EPHA6: variants seen among roughly 807,000 people sequenced by gnomAD.
EPHA6 encodes ephrin type-A receptor 6.
A neutral mutation model predicts 112.0 loss-of-function variants in EPHA6; 50 were observed. The observed-to-expected ratio is 0.45, with a 90% CI of 0.36 to 0.56. The LOEUF is 0.56. Ranked by LOEUF, EPHA6 falls within the 20% of genes least tolerant of loss-of-function variation. EPHA6 has a pLI of 0.00. For synonymous variants in EPHA6, 529 were observed against 490.7 expected, an observed-to-expected ratio of 1.08 and a Z score of -1.03; for missense variants, 1,280 against 1,417.4, an observed-to-expected ratio of 0.90 and a Z score of 1.56.
intron 3 of EPHA6, among the ~76,000 whole-genome samples, chr3:97,187,276 A>G (rs1308436985): frequency 6.6e-6 from 1 of 152,036 alleles, no homozygotes; most frequent in African/African-American, 2.4e-5. Flanking sequence ...TGATACTTCT[A>G]CTTAGGAATG....
At chr3:97,031,789 A>G (rs1185776432) in intron 3 of EPHA6, among the ~76,000 whole-genome samples, 3 of 152,168 alleles carry the variant, frequency 2.0e-5, no homozygotes, top group Non-Finnish European at 4.4e-5. Context: ...TTAAAAAGTC[A>G]GGAAACAACA....
At position 97,444,730 on chromosome 3, in the gene EPHA6, A is replaced by G. The variant is rs145314778; in HGVS notation, c.1732-3838A>G. Among the ~76,000 whole-genome samples the G allele has an allele frequency of 1.4e-4, 22 of 152,270 alleles. 1 individual carries two copies. In the East Asian group the frequency reaches 4.3e-3, roughly 29 times the overall value. ...TCTGACTGTAGAAAGATATAGCCAT[A>G]GGGTCTGAACACCTGAGCCTATTTG... On this transcript the variant is annotated intron_variant, in intron 6 of 17. Transcript: ENST00000389672.
At chr3:97,150,149 C>G (rs2076137072) in intron 3 of EPHA6, among the ~76,000 whole-genome samples, 1 of 151,598 alleles carries the variant, frequency 6.6e-6, no homozygotes, top group African/African-American at 2.4e-5. Flanking sequence ...AAATCCTGTT[C>G]TAGTTAAAAA....
At position 97,271,605 on chromosome 3, in the gene EPHA6, G is replaced by A. The variant is rs139012687; in HGVS notation, c.1606+27318G>A. ...ACCCCTGACCTCAGGTGATCTGCCCGCCTTGGCCTCCCAAAGTGCTGGGGT... is the reference window on the plus strand; with the variant it reads ...ACCCCTGACCTCAGGTGATCTGCCCACCTTGGCCTCCCAAAGTGCTGGGGT... On this transcript the variant is annotated intron_variant, in intron 5 of 17. Transcript: ENST00000389672. Among the ~76,000 whole-genome samples the A allele has an allele frequency of 6.1e-3, 935 of 152,254 alleles. 12 individuals are homozygous for A. Among genetic ancestry groups the A allele is most frequent in the African/African-American group, 0.021 (875 of 41,542 alleles).
chr3:97,228,953 G>A (rs547783025), intron 4 of EPHA6, among the ~76,000 whole-genome samples: 1 of 152,038 alleles, frequency 6.6e-6, no homozygotes, highest in South Asian at 2.1e-4. Context: ...GTTTTGATTT[G>A]CATTTCCTTG....
In EPHA6 at chr3:96,814,652, G is replaced by A. The variant is rs760685348; in HGVS notation, c.29G>A (p.Arg10Lys). 22 of 1,475,196 alleles carry A rather than the reference G, an allele frequency of 1.5e-5. No individual in the cohort carries two copies. The highest frequency in any genetic ancestry group is 5.1e-4 in the Middle Eastern group (2 of 3,886). 91.4% of individuals were successfully genotyped at this position (1,475,196 alleles called of 1,614,324 possible). Reference protein sequence around the residue: MQFPSPPAARSSPAPQAASS... With the variant: MQFPSPPAAKSSPAPQAASS... ...CAATTCCCCTCGCCTCCAGCCGCGAGGAGCTCCCCGGCGCCGCAGGCAGCG... is the reference window on the plus strand; with the variant it reads ...CAATTCCCCTCGCCTCCAGCCGCGAAGAGCTCCCCGGCGCCGCAGGCAGCG... The change falls in exon 1 of 18, where the codon AGG becomes AAG. Residue 10 changes from arginine (R) to lysine (K), a missense_variant. Transcript: ENST00000389672.
At chr3:97,468,233 A>C (rs2091119415) in intron 7 of EPHA6, among the ~76,000 whole-genome samples, 1 of 151,624 alleles carries the variant, frequency 6.6e-6, no homozygotes, top group Non-Finnish European at 1.5e-5. Context: ...AGAAATCAGT[A>C]ATCAGCTTAC....
chr3:97,617,595 A>G (rs893368976), intron 13 of EPHA6, among the ~76,000 whole-genome samples: 11 of 152,308 alleles, frequency 7.2e-5, no homozygotes, highest in Non-Finnish European at 2.9e-5. Context: ...AAAATTTACC[A>G]AGCAAATGGA....
intron 3 of EPHA6, among the ~76,000 whole-genome samples, chr3:97,191,060 T>C (rs1248654588): frequency 6.6e-6 from 1 of 152,098 alleles, no homozygotes; most frequent in African/African-American, 2.4e-5. Flanking sequence ...CTCTGGTAAC[T>C]GCCATTGTAC....
intron 3 of EPHA6, among the ~76,000 whole-genome samples, chr3:97,159,637 G>A (rs1279383796): frequency 6.6e-6 from 1 of 152,088 alleles, no homozygotes; most frequent in Non-Finnish European, 1.5e-5. Context: ...TACTGGCACT[G>A]TAACTGGGTC....
chr3:96,961,097 A>T (rs901372423), intron 2 of EPHA6, among the ~76,000 whole-genome samples: 2 of 152,200 alleles, frequency 1.3e-5, no homozygotes, highest in Non-Finnish European at 2.9e-5. Flanking sequence ...TTAAGAAGAG[A>T]GGGAAGGAAG....
intron 13 of EPHA6, 110 bp from the exon 14 acceptor site, chr3:97,637,763 T>A: frequency 1.3e-6 from 1 of 792,440 alleles, no homozygotes; most frequent in Non-Finnish European, 2.1e-6. Flanking sequence ...CCAAAGTTGA[T>A]GCTTATCTTC....
intron 5 of EPHA6, among the ~76,000 whole-genome samples, chr3:97,278,042 T>C (rs2080156822): frequency 6.6e-6 from 1 of 152,240 alleles, no homozygotes; most frequent in Non-Finnish European, 1.5e-5. Context: ...ATGCAGCACA[T>C]GACTGTACTA....
rs2035995855 is a variant in EPHA6, at chr3:97,755,112, A to T, written c.*6411A>T. 6.6e-6 allele frequency among the ~76,000 whole-genome samples: 1 copy of T among 152,226 alleles called. No individual in the cohort carries two copies. The highest frequency in any genetic ancestry group is 1.5e-5 in the Non-Finnish European group (1 of 68,026). ...ATTAAGAGAACTTTTGATTTGTTTC[A>T]TTATAGAGAAAGTCTCAAAGAATTC... On this transcript the variant is annotated 3_prime_UTR_variant, in exon 18 of 18. Transcript: ENST00000389672.
chr3:97,216,398 A>T (rs1045047735), intron 3 of EPHA6, among the ~76,000 whole-genome samples: 2 of 152,140 alleles, frequency 1.3e-5, no homozygotes, highest in Non-Finnish European at 2.9e-5. Flanking sequence ...ACCAGGCCCC[A>T]CCTCCAACAT....
intron 3 of EPHA6, among the ~76,000 whole-genome samples, chr3:97,193,971 GCATC>G (rs2108484565): frequency 6.6e-6 from 1 of 152,064 alleles, no homozygotes; most frequent in East Asian, 1.9e-4. Flanking sequence ...GACCATCCTT[GCATC>G]CTGGGATAAA....
At chr3:97,236,268 T>A (rs2078676807) in intron 4 of EPHA6, among the ~76,000 whole-genome samples, 1 of 151,428 alleles carries the variant, frequency 6.6e-6, no homozygotes, top group Admixed American at 6.6e-5. Flanking sequence ...AGTAGGCAAA[T>A]AAGAGTTATT....
intron 5 of EPHA6, among the ~76,000 whole-genome samples, chr3:97,336,049 A>G (rs75167197): frequency 0.022 from 3,290 of 152,242 alleles, 90 homozygotes; most frequent in African/African-American, 0.068. Flanking sequence ...AAGTTTTACA[A>G]TAATGATGCT....
intron 1 of EPHA6, among the ~76,000 whole-genome samples, chr3:96,856,030 G>A (rs924556396): frequency 1.3e-5 from 2 of 152,064 alleles, no homozygotes; most frequent in African/African-American, 2.4e-5. Context: ...CTTGAGCCTA[G>A]GAATTCAAGA....
Sources: gnomAD v4.1 joint callset for allele counts (sites outside exome capture counted in the v4.1 genomes callset) on GRCh38, gnomAD v4.1.1 for gene constraint, MANE v1.5 for transcripts, NCBI Gene and HGNC (gene_info 2026-07-23, HGNC 2026-07-21) for gene names.